Variants in GABBR2 observed in about 807,000 individuals in gnomAD.
The protein encoded by GABBR2 is G-protein coupled receptor 51.
Under a neutral mutation model 105.6 loss-of-function variants are expected in GABBR2, and 23 were observed. The ratio of observed to expected loss-of-function variants is 0.22; its 90% CI spans 0.16 to 0.31. The LOEUF is 0.31. Ranked by LOEUF, GABBR2 falls within the 10% of genes least tolerant of loss-of-function variation. The probability of loss-of-function intolerance (pLI) is 1.00; values close to 1 mark genes in which losing one functional copy is unlikely to be tolerated. For missense variants in GABBR2, 734 were observed against 1,245.5 expected (o/e 0.59, Z 6.18); for synonymous variants, 478 against 499.7 (o/e 0.96, Z 0.58).
chr9:98,591,769 A>G (rs1829149024), intron 1 of GABBR2, among the ~76,000 whole-genome samples: 1 of 152,188 alleles, frequency 6.6e-6, no homozygotes, highest in South Asian at 2.1e-4. Flanking sequence ...ACTGATGAGG[A>G]AAGAGATCGA....
intron 8 of GABBR2, among the ~76,000 whole-genome samples, chr9:98,400,615 C>T (rs988492045): frequency 6.6e-6 from 1 of 152,148 alleles, no homozygotes; most frequent in Non-Finnish European, 1.5e-5. Flanking sequence ...TGAAAGTGAC[C>T]TGGGTGTCCG....
intron 1 of GABBR2, among the ~76,000 whole-genome samples, chr9:98,641,135 T>G (rs1370115880): frequency 6.6e-6 from 1 of 150,862 alleles, no homozygotes; most frequent in Admixed American, 6.6e-5. Flanking sequence ...TTTGGTTTTT[T>G]TTTTTTTTTT....
chr9:98,447,274 G>A (rs1009750174), intron 7 of GABBR2, among the ~76,000 whole-genome samples: 3 of 145,040 alleles, frequency 2.1e-5, no homozygotes, highest in Non-Finnish European at 3.0e-5. Flanking sequence ...TTTTTTAGCC[G>A]GGATGGTCTC....
chr9:98,673,232 G>A (rs1830428614), intron 1 of GABBR2, among the ~76,000 whole-genome samples: 1 of 152,206 alleles, frequency 6.6e-6, no homozygotes, highest in African/African-American at 2.4e-5. Flanking sequence ...GGTGCATATA[G>A]AGAGGCAAAA....
chr9:98,538,175 G>T (rs957271180), intron 3 of GABBR2, among the ~76,000 whole-genome samples: 1 of 152,222 alleles, frequency 6.6e-6, no homozygotes, highest in Non-Finnish European at 1.5e-5. Context: ...TTCAGTACCT[G>T]CAAGGTAGGA....
chr9:98,566,303 A>T (rs1028448707), intron 2 of GABBR2, among the ~76,000 whole-genome samples: 1 of 152,120 alleles, frequency 6.6e-6, no homozygotes, highest in Non-Finnish European at 1.5e-5. Context: ...CCACTGCCAT[A>T]AAAAAAGCCC....
intron 3 of GABBR2, among the ~76,000 whole-genome samples, chr9:98,520,344 A>C (rs549871687): frequency 8.5e-5 from 13 of 152,080 alleles, no homozygotes; most frequent in African/African-American, 3.1e-4. Flanking sequence ...GGAGAATGCT[A>C]CTCTATACCT....
At chr9:98,624,439 A>G (rs537370865) in intron 1 of GABBR2, among the ~76,000 whole-genome samples, 1 of 152,316 alleles carries the variant, frequency 6.6e-6, no homozygotes, top group East Asian at 1.9e-4. Flanking sequence ...GAACTGTGGG[A>G]GAGAAAAACT....
intron 1 of GABBR2, among the ~76,000 whole-genome samples, chr9:98,631,038 C>T (rs759743306): frequency 5.9e-5 from 9 of 152,274 alleles, no homozygotes; most frequent in South Asian, 2.1e-4. Context: ...TACTGCATAG[C>T]GCTGCTGGGG....
intron 4 of GABBR2, among the ~76,000 whole-genome samples, chr9:98,493,064 T>G (rs1564091595): frequency 1.3e-5 from 2 of 152,244 alleles, no homozygotes; most frequent in African/African-American, 2.4e-5. Context: ...CTCCCATTTA[T>G]TAGTCAATCA....
At chr9:98,487,855 A>C (rs765865239) in intron 4 of GABBR2, among the ~76,000 whole-genome samples, 13 of 152,216 alleles carry the variant, frequency 8.5e-5, no homozygotes, top group Non-Finnish European at 1.3e-4. Flanking sequence ...TGGTAAAGGG[A>C]AAATTCACAT....
In GABBR2 at chr9:98,311,075, GTC is replaced by G; in HGVS notation, c.2004+18_2004+19del. On this transcript the variant is annotated intron_variant, in intron 14 of 18. Coordinates refer to ENST00000259455, the MANE Select transcript of GABBR2 (RefSeq NM_005458.8). Reference sequence around the variant, plus strand: ...CAAAGAAGTGTCCCCCCTCAACACTGTCTCCTGCTCTGCACCTACCATGAGAA... The same window carrying G: ...CAAAGAAGTGTCCCCCCTCAACACTGTCCTGCTCTGCACCTACCATGAGAA... 1.5e-6 allele frequency: 2 copies of G among 1,354,122 alleles called. No homozygotes were observed. The highest frequency in any genetic ancestry group is 2.1e-6 in the Non-Finnish European group (2 of 944,142). The allele number at this position is 1,354,122 out of a possible 1,614,324, so 83.9% of individuals were successfully genotyped here. A position where few individuals can be genotyped will look rare whatever the true frequency, so the allele number is the denominator to read the frequency against.
intron 2 of GABBR2, among the ~76,000 whole-genome samples, chr9:98,553,284 G>C (rs986523615): frequency 1.3e-5 from 2 of 151,966 alleles, no homozygotes; most frequent in African/African-American, 4.8e-5. Context: ...GACTTGCCTG[G>C]GGCCCCATAG....
intron 13 of GABBR2, among the ~76,000 whole-genome samples, chr9:98,349,576 G>A (rs1325433090): frequency 6.6e-6 from 1 of 151,876 alleles, no homozygotes; most frequent in Non-Finnish European, 1.5e-5. Context: ...GGCTGGTCTC[G>A]AACTCCTGAC....
chr9:98,602,184 T>G, intron 1 of GABBR2, among the ~76,000 whole-genome samples: 1 of 148,786 alleles, frequency 6.7e-6, no homozygotes, highest in Non-Finnish European at 1.5e-5. Flanking sequence ...TTTTTTTTAA[T>G]TGTTGGTGGC....
At chr9:98,451,052 C>T (rs948785502) in intron 7 of GABBR2, among the ~76,000 whole-genome samples, 11 of 152,138 alleles carry the variant, frequency 7.2e-5, no homozygotes, top group Non-Finnish European at 1.6e-4. Flanking sequence ...AAATGCTACC[C>T]GTGGGACCCT....
At position 98,617,096 on chromosome 9, in the gene GABBR2, C is replaced by G. The variant is rs375114456; in HGVS notation, c.322-39024G>C. 2.6e-4 allele frequency among the ~76,000 whole-genome samples: 39 copies of G among 152,274 alleles called. 2 individuals are homozygous for G. The South Asian group carries it at 8.1e-3, about 32-fold the overall frequency. ...ATGAGACCTAGAATTTTCCTGGGTC[C>G]CTGCTGCATTGCATTTAAATAACTT... On this transcript the variant is annotated intron_variant, in intron 1 of 18. Coordinates refer to ENST00000259455, the MANE Select transcript of GABBR2 (RefSeq NM_005458.8).
chr9:98,568,126 C>T (rs935101954), intron 2 of GABBR2, among the ~76,000 whole-genome samples: 9 of 152,126 alleles, frequency 5.9e-5, no homozygotes, highest in Non-Finnish European at 1.2e-4. Context: ...TCCACCCCTT[C>T]CACCAAAGGA....
chr9:98,539,047 GATGTGCT>G (rs1301897261), intron 3 of GABBR2, among the ~76,000 whole-genome samples: 1 of 152,254 alleles, frequency 6.6e-6, no homozygotes, highest in East Asian at 1.9e-4. Context: ...CAAGGGGAAA[GATGTGCT>G]ACCCAACAGT....
Sources: allele counts gnomAD v4.1 joint callset (sites outside exome capture counted in the v4.1 genomes callset), GRCh38; gene constraint gnomAD v4.1.1; transcripts MANE v1.5; gene names NCBI Gene and HGNC (gene_info 2026-07-23, HGNC 2026-07-21).